Variants in PHKB observed in about 807,000 individuals in gnomAD.
The protein encoded by PHKB is phosphorylase b kinase regulatory subunit beta.
Under a neutral mutation model 152.1 loss-of-function variants are expected in PHKB, and 122 were observed. The observed-to-expected ratio is 0.80, with a 90% CI of 0.69 to 0.93. The LOEUF is 0.93. Ranked by LOEUF, PHKB falls within the 40% of genes least tolerant of loss-of-function variation. The pLI is 0.00. For missense variants in PHKB, 1,304 were observed against 1,328.4 expected (o/e 0.98, Z 0.29); for synonymous variants, 436 against 464.9 (o/e 0.94, Z 0.80).
chr16:47,600,437 T>C (rs1314220485), intron 13 of PHKB, among the ~76,000 whole-genome samples: 1 of 152,236 alleles, frequency 6.6e-6, no homozygotes, highest in African/African-American at 2.4e-5. Context: ...TCATTAGTTA[T>C]ACTTTCAACT....
intron 14 of PHKB, among the ~76,000 whole-genome samples, chr16:47,635,191 A>G (rs762357252): frequency 2.6e-5 from 4 of 152,210 alleles, no homozygotes; most frequent in Non-Finnish European, 5.9e-5. Flanking sequence ...ACAGTATACT[A>G]TAATGGATAA....
intron 14 of PHKB, among the ~76,000 whole-genome samples, chr16:47,617,991 T>A (rs541371744): frequency 6.6e-6 from 1 of 152,378 alleles, no homozygotes; most frequent in Non-Finnish European, 1.5e-5. Flanking sequence ...TACATGGGGC[T>A]GGCCACTGTG....
chr16:47,465,131 A>G (rs1345763176), intron 1 of PHKB, among the ~76,000 whole-genome samples: 2 of 152,174 alleles, frequency 1.3e-5, no homozygotes, highest in Non-Finnish European at 2.9e-5. Flanking sequence ...AATGATTTCT[A>G]TTTCTAGGTG....
At chr16:47,469,308 C>T (rs1432862520) in intron 1 of PHKB, among the ~76,000 whole-genome samples, 3 of 152,120 alleles carry the variant, frequency 2.0e-5, no homozygotes, top group African/African-American at 7.2e-5. Context: ...AGTATTGAAT[C>T]TTACAAACTG....
intron 20 of PHKB, among the ~76,000 whole-genome samples, chr16:47,652,397 T>A (rs1050129851): frequency 2.0e-5 from 3 of 149,804 alleles, no homozygotes; most frequent in East Asian, 3.9e-4. Flanking sequence ...TTTTTTTTTT[T>A]AATACATACA....
chr16:47,480,220 A>G (rs946331970), intron 1 of PHKB, among the ~76,000 whole-genome samples: 4 of 152,154 alleles, frequency 2.6e-5, no homozygotes, highest in African/African-American at 9.7e-5. Context: ...AATCAGAGGT[A>G]TAACTGGTTA....
intron 7 of PHKB, among the ~76,000 whole-genome samples, chr16:47,552,153 T>G (rs989774762): frequency 7.2e-5 from 11 of 152,210 alleles, no homozygotes; most frequent in Non-Finnish European, 1.5e-5. Flanking sequence ...CTGATGGGTC[T>G]TTACTCTTTA....
chr16:47,514,186 A>G (rs192737453), intron 5 of PHKB, among the ~76,000 whole-genome samples: 39 of 152,010 alleles, frequency 2.6e-4, no homozygotes, highest in African/African-American at 7.7e-4. Context: ...AAGGGACAGA[A>G]CTAATAGGTG....
At chr16:47,678,425 G>A (rs1302705374) in intron 26 of PHKB, among the ~76,000 whole-genome samples, 2 of 152,068 alleles carry the variant, frequency 1.3e-5, no homozygotes, top group African/African-American at 4.8e-5. Context: ...ATCCTCTCCA[G>A]CACCTGTTGT....
At chr16:47,640,327 A>G (rs1250158282) in intron 14 of PHKB, among the ~76,000 whole-genome samples, 1 of 152,178 alleles carries the variant, frequency 6.6e-6, no homozygotes, top group Non-Finnish European at 1.5e-5. Context: ...GTGCTTCTTA[A>G]TGTTCTCTGT....
At position 47,547,420 on chromosome 16, in the gene PHKB, CT is replaced by C; in HGVS notation, c.595-8del. On this transcript the variant is annotated splice_polypyrimidine_tract_variant and intron_variant, in intron 6 of 30. Transcript: ENST00000323584. Reference sequence around the variant, plus strand: ...TTGAGTATGTCCTTATGTTTCATTTCTTTTTCTTTTAGGTCTCTTTTATTCA... The same window carrying C: ...TTGAGTATGTCCTTATGTTTCATTTCTTTTCTTTTAGGTCTCTTTTATTCA... The C allele has an allele frequency of 6.6e-7, 1 of 1,508,370 alleles. No homozygotes were observed. The highest frequency in any genetic ancestry group is 9.2e-7 in the Non-Finnish European group (1 of 1,084,344). 93.4% of individuals were successfully genotyped at this position (1,508,370 alleles called of 1,614,324 possible).
chr16:47,571,965 G>T (rs1260541893), intron 7 of PHKB, among the ~76,000 whole-genome samples: 1 of 152,070 alleles, frequency 6.6e-6, no homozygotes, highest in Non-Finnish European at 1.5e-5. Flanking sequence ...TGTGAATCCA[G>T]CTGCTTATCT....
chr16:47,531,370 T>C (rs1220882053), intron 6 of PHKB, among the ~76,000 whole-genome samples: 3 of 152,190 alleles, frequency 2.0e-5, no homozygotes, highest in African/African-American at 7.2e-5. Flanking sequence ...TCAAGGTCCT[T>C]TATATTCTTA....
chr16:47,650,604 C>T lies in PHKB; in HGVS notation c.1858C>T (p.Leu620Phe). ...KMHGRPLFLV[L>F]IREDNIRGSR... ...GCATGGACGTCCACTTTTCCTTGTT[C>T]TCATCCGGGAAGACAATATAAGGTA... The change falls in exon 19 of 31, where the codon CTC becomes TTC. Residue 620 changes from leucine to phenylalanine, a missense_variant. Leu to Phe is a conservative substitution (Grantham distance 22). Transcript: ENST00000323584. 3 of 1,608,590 alleles carry T rather than the reference C, an allele frequency of 1.9e-6. No individual in the cohort carries two copies. The African/African-American group carries it at 4.0e-5, about 21-fold the overall frequency.
intron 1 of PHKB, among the ~76,000 whole-genome samples, chr16:47,473,735 A>T: frequency 6.6e-6 from 1 of 152,298 alleles, no homozygotes; most frequent in Non-Finnish European, 1.5e-5. Context: ...TTTTAAAGTT[A>T]TTTTTAATTG....
chr16:47,686,311 A>G (rs1485417776), intron 26 of PHKB, among the ~76,000 whole-genome samples: 1 of 152,246 alleles, frequency 6.6e-6, no homozygotes, highest in Non-Finnish European at 1.5e-5. Context: ...AAGCCTTTTA[A>G]AAATAAAAAT....
At chr16:47,658,530 GACC>G (rs1973379241) in intron 20 of PHKB, among the ~76,000 whole-genome samples, 1 of 151,990 alleles carries the variant, frequency 6.6e-6, no homozygotes, top group African/African-American at 2.4e-5. Context: ...GTCAATGATG[GACC>G]ACGTATACAA....
intron 4 of PHKB, chr16:47,505,456 G>A (rs762123511): frequency 1.3e-5 from 2 of 152,332 alleles, no homozygotes; most frequent in East Asian, 1.9e-4. Context: ...CACCCTGAAC[G>A]CCCTATCTCG....
chr16:47,574,337 C>G (rs1406221770), intron 7 of PHKB, among the ~76,000 whole-genome samples: 1 of 152,168 alleles, frequency 6.6e-6, no homozygotes, highest in African/African-American at 2.4e-5. Flanking sequence ...AGTCTCCCCG[C>G]TTTCACACCC....
Sources: allele counts gnomAD v4.1 joint callset (sites outside exome capture counted in the v4.1 genomes callset), GRCh38; gene constraint gnomAD v4.1.1; transcripts MANE v1.5; gene names NCBI Gene and HGNC (gene_info 2026-07-23, HGNC 2026-07-21).